The following CCN4 variants were observed in gnomAD, a reference collection of about 807,000 sequenced individuals.
The protein encoded by CCN4 is CCN family member 4.
In CCN4, 30 loss-of-function variants were observed where a neutral mutation model predicts 36.7. That is an observed-to-expected ratio of 0.82 (90% CI 0.61 to 1.11). The LOEUF is 1.11. Ranked by LOEUF, CCN4 falls within the 50% of genes least tolerant of loss-of-function variation. The pLI, the probability that CCN4 is intolerant of heterozygous loss-of-function variation, is 0.00. For missense variants in CCN4, 505 were observed against 504.9 expected (o/e 1.00, Z 0.00); for synonymous variants, 191 against 195.4 (o/e 0.98, Z 0.19).
intron 1 of CCN4, among the ~76,000 whole-genome samples, chr8:133,198,705 C>G (rs1000914665): frequency 6.6e-6 from 1 of 152,220 alleles, no homozygotes; most frequent in Admixed American, 6.5e-5. Flanking sequence ...CCCATGGGTT[C>G]TTGTTCTTGC....
At position 133,220,845 on chromosome 8, in the gene CCN4, G is replaced by T. The variant is rs1370129443; in HGVS notation, c.610+4G>T. The T allele has an allele frequency of 3.1e-6, 5 of 1,593,186 alleles. No individual in the cohort carries two copies. The African/African-American group carries it at 5.4e-5, about 17-fold the overall frequency. ...CCCCGTGACACAGGAGCCTTCGGTG[G>T]GTGTGGGCCCGAGTGGGCTGGGGGT... On this transcript the variant is annotated splice_donor_region_variant and intron_variant, in intron 3 of 4. Transcript: ENST00000250160.
intron 1 of CCN4, among the ~76,000 whole-genome samples, chr8:133,199,613 G>A (rs1853513986): frequency 6.6e-6 from 1 of 152,204 alleles, no homozygotes; most frequent in African/African-American, 2.4e-5. Flanking sequence ...GGATAACAGA[G>A]CTGGCAGGCG....
chr8:133,213,232 T>C, intron 2 of CCN4, 89 bp downstream of exon 2: 1 of 1,467,316 alleles, frequency 6.8e-7, no homozygotes, highest in Non-Finnish European at 9.3e-7. Flanking sequence ...CCCACAGCCT[T>C]TCACCTGGCC....
At chr8:133,225,258 TCC>T in intron 3 of CCN4, 130 bp from the exon 4 acceptor site, 1 of 862,662 alleles carries the variant, frequency 1.2e-6, no homozygotes, top group Non-Finnish European at 1.8e-6. Flanking sequence ...CAACTTGCTG[TCC>T]TGTGGGGAGG....
chr8:133,215,736 C>A (rs75761692), intron 2 of CCN4, among the ~76,000 whole-genome samples: 4,244 of 151,994 alleles, frequency 0.028, 178 homozygotes, highest in African/African-American at 0.095. Flanking sequence ...TTGAAAAAAA[C>A]AAAAACTGTA....
intron 2 of CCN4, among the ~76,000 whole-genome samples, chr8:133,217,462 A>T (rs1004252580): frequency 1.3e-5 from 2 of 152,232 alleles, no homozygotes; most frequent in Non-Finnish European, 2.9e-5. Context: ...GATAGGAGGT[A>T]GTGAAGGAAA....
At chr8:133,199,622 C>A (rs376900235) in intron 1 of CCN4, among the ~76,000 whole-genome samples, 2 of 152,104 alleles carry the variant, frequency 1.3e-5, no homozygotes, top group Non-Finnish European at 2.9e-5. Context: ...AGCTGGCAGG[C>A]GCGCGTGGAG....
In CCN4 at chr8:133,213,107, G is replaced by T. The variant is rs773627731; in HGVS notation, c.313G>T (p.Gly105Trp). 5 of 1,613,650 alleles carry T rather than the reference G, an allele frequency of 3.1e-6. No homozygotes were observed. The highest frequency in any genetic ancestry group is 4.2e-6 in the Non-Finnish European group (5 of 1,179,616). ...PHRGLYCDYSGDRPRYAIGVC... is the reference protein window; with the variant it reads ...PHRGLYCDYSWDRPRYAIGVC... The stretch of plus-strand genomic sequence containing the variant: ...CCGGGGCCTCTACTGTGACTACAGC[G>T]GGGACCGCCCGAGGTACGCAATAGG... The change falls in exon 2 of 5, where the codon GGG becomes TGG. Residue 105 changes from glycine to tryptophan, a missense_variant. Transcript: ENST00000250160.
At position 133,210,408 on chromosome 8, in the gene CCN4, TGTGTGTGTGTGTG is replaced by T. The variant is rs1002367735; in HGVS notation, c.70-2455_70-2443del. The stretch of plus-strand genomic sequence containing the variant: ...AGGGGTGTGTGTGTGTGTGTGTGTG[TGTGTGTGTGTGTG>T]TTTACTGATTCGGATATGTAGGGTT... On this transcript the variant is annotated intron_variant, in intron 1 of 4. Coordinates refer to ENST00000250160, the MANE Select transcript of CCN4 (RefSeq NM_003882.4). 6.1e-5 allele frequency among the ~76,000 whole-genome samples: 8 copies of T among 131,732 alleles called. No individual in the cohort carries two copies. The South Asian group carries it at 1.1e-3, about 19-fold the overall frequency. The allele number at this position is 131,732 out of a possible 152,430, so 86.4% of individuals were successfully genotyped here.
intron 1 of CCN4, among the ~76,000 whole-genome samples, chr8:133,195,294 G>A (rs1853338286): frequency 6.6e-6 from 1 of 150,530 alleles, no homozygotes; most frequent in Admixed American, 6.6e-5. Context: ...TGTGTTGAGT[G>A]TGTATGTGTT....
intron 3 of CCN4, among the ~76,000 whole-genome samples, chr8:133,224,263 C>G (rs1201065353): frequency 2.1e-4 from 19 of 88,872 alleles, no homozygotes; most frequent in African/African-American, 7.5e-4. Flanking sequence ...TTTTTTGAGA[C>G]AGAATCCTGC....
intron 1 of CCN4, among the ~76,000 whole-genome samples, chr8:133,195,974 G>T (rs901723804): frequency 6.6e-6 from 1 of 152,242 alleles, no homozygotes. Context: ...CATGGTCCAG[G>T]TGGGTTCCTG....
intron 1 of CCN4, among the ~76,000 whole-genome samples, chr8:133,208,668 C>T (rs781012266): frequency 8.5e-5 from 13 of 152,100 alleles, no homozygotes; most frequent in African/African-American, 1.9e-4. Context: ...AGGGTCCTTG[C>T]GCATTGGGTA....
In CCN4 at chr8:133,215,984, T is replaced by TACAC. The variant is rs35957025; in HGVS notation, c.349+2861_349+2864dup. ...ATAGTTCCTTACCCACCCATTACAC[T>TACAC]ACACACACACACACACACACACAAA... On this transcript the variant is annotated intron_variant, in intron 2 of 4. Coordinates refer to ENST00000250160, the MANE Select transcript of CCN4 (RefSeq NM_003882.4). 9.0e-3 allele frequency among the ~76,000 whole-genome samples: 1,347 copies of TACAC among 149,448 alleles called. 16 individuals are homozygous for TACAC. Among genetic ancestry groups the TACAC allele is most frequent in the African/African-American group, 0.027 (1,106 of 40,868 alleles).
In CCN4 at chr8:133,191,165, G is replaced by C. The variant is rs751839781; in HGVS notation, c.21G>C (p.Trp7Cys). 2 of 1,606,558 alleles carry C rather than the reference G, an allele frequency of 1.2e-6. No homozygotes were observed. The highest frequency in any genetic ancestry group is 1.8e-4 in the Middle Eastern group (1 of 5,664). The change falls in exon 1 of 5, where the codon TGG becomes TGC. Residue 7 changes from tryptophan to cysteine, a missense_variant. Physicochemically the swap from Trp to Cys is radical, Grantham distance 215. Coordinates refer to ENST00000250160, the MANE Select transcript of CCN4 (RefSeq NM_003882.4). The part of the protein sequence containing the change: MRWFLP[W>C]TLAAVTAAAA... ...CAGGCATGAGGTGGTTCCTGCCCTG[G>C]ACGCTGGCAGCAGTGACAGCAGCAG...
At chr8:133,227,136 G>C (rs1234481093) in intron 4 of CCN4, among the ~76,000 whole-genome samples, 1 of 152,098 alleles carries the variant, frequency 6.6e-6, no homozygotes, top group African/African-American at 2.4e-5. Flanking sequence ...ACTGGCCATA[G>C]GCAAGACAAA....
chr8:133,194,367 T>G (rs1386134997), intron 1 of CCN4, among the ~76,000 whole-genome samples: 74 of 37,652 alleles, frequency 2.0e-3, no homozygotes, highest in Non-Finnish European at 2.3e-3. Flanking sequence ...TGTGTGGGGG[T>G]GTGTGTGTGG....
chr8:133,196,779 C>A (rs907309607), intron 1 of CCN4, among the ~76,000 whole-genome samples: 5 of 152,194 alleles, frequency 3.3e-5, no homozygotes, highest in African/African-American at 1.2e-4. Context: ...CCCCAGAACA[C>A]CCAAGGGAAG....
At chr8:133,195,875 C>G (rs1853363902) in intron 1 of CCN4, among the ~76,000 whole-genome samples, 1 of 152,218 alleles carries the variant, frequency 6.6e-6, no homozygotes, top group Admixed American at 6.5e-5. Flanking sequence ...CAGGGATCTT[C>G]CCAGGAACCT....
Sources: allele counts gnomAD v4.1 joint callset (sites outside exome capture counted in the v4.1 genomes callset), GRCh38; gene constraint gnomAD v4.1.1; transcripts MANE v1.5; gene names NCBI Gene and HGNC (gene_info 2026-07-23, HGNC 2026-07-21).